The following DENND2D variants were observed in gnomAD, a reference collection of about 807,000 sequenced individuals.
DENND2D encodes the protein DENN domain-containing protein 2D.
A neutral mutation model predicts 59.8 loss-of-function variants in DENND2D; 37 were observed. The observed-to-expected ratio is 0.62, with a 90% confidence interval of 0.48 to 0.81. The LOEUF is 0.81. Among genes scored for constraint, DENND2D ranks in the 40% least tolerant of loss-of-function variants. The probability of loss-of-function intolerance (pLI) is 0.00; values close to 1 mark genes in which losing one functional copy is unlikely to be tolerated. For missense variants in DENND2D, 525 were observed against 579.7 expected, an observed-to-expected ratio of 0.91 and a Z score of 0.97; for synonymous variants, 219 against 211.3, an observed-to-expected ratio of 1.04 and a Z score of -0.31.
In DENND2D at chr1:111,192,426, T is replaced by C. The variant is rs537428892; in HGVS notation, c.795-109A>G. 518 of 1,217,050 alleles carry C rather than the reference T, an allele frequency of 4.3e-4. 7 individuals are homozygous for C. The South Asian group carries it at 0.013, about 31-fold the overall frequency. The allele number at this position is 1,217,050 out of a possible 1,614,324, so 75.4% of individuals were successfully genotyped here. On this transcript the variant is annotated intron_variant, in intron 7 of 11. Transcript: ENST00000357640. ...GCTAGAGCAGTGCTGCCCATGCCCA[T>C]GGGCAGAAAGGCAAGTCTGGGGGCC...
chr1:111,194,205 C>A (rs140052783), intron 7 of DENND2D, among the ~76,000 whole-genome samples: 2 of 152,354 alleles, frequency 1.3e-5, no homozygotes, highest in Non-Finnish European at 2.9e-5. Context: ...CCAGTTGACA[C>A]ACAATAAATG....
chr1:111,187,527 T>A lies in DENND2D; in HGVS notation c.*78A>T. The A allele has an allele frequency of 8.0e-7, 1 of 1,253,684 alleles. No homozygotes were observed. Among genetic ancestry groups the A allele is most frequent in the South Asian group, 1.2e-5 (1 of 81,466 alleles). The allele number at this position is 1,253,684 out of a possible 1,614,324, so 77.7% of individuals were successfully genotyped here. ...TATGGATTTTGGGAGCTGACAGTTTTGCTGATCCTGCCACACTGGCAGGGG... is the reference window on the plus strand; with the variant it reads ...TATGGATTTTGGGAGCTGACAGTTTAGCTGATCCTGCCACACTGGCAGGGG... On this transcript the variant is annotated 3_prime_UTR_variant, in exon 12 of 12. Coordinates refer to ENST00000357640, the MANE Select transcript of DENND2D (RefSeq NM_024901.5).
upstream of DENND2D, among the ~76,000 whole-genome samples, chr1:111,202,099 G>A (rs1557968120): frequency 6.6e-6 from 1 of 152,176 alleles, no homozygotes. Flanking sequence ...GGATGCATTT[G>A]ACATCAAATA....
chr1:111,194,925 C>T (rs1230793966), intron 6 of DENND2D, among the ~76,000 whole-genome samples, 199 bp from the exon 7 acceptor site: 2 of 152,090 alleles, frequency 1.3e-5, no homozygotes, highest in African/African-American at 2.4e-5. Context: ...TGCACCCTCC[C>T]TCACTCGCCT....
intron 10 of DENND2D, 113 bp from the exon 11 acceptor site, chr1:111,188,483 G>T (rs1208107671): frequency 1.4e-6 from 2 of 1,466,616 alleles, no homozygotes; most frequent in African/African-American, 1.4e-5. Flanking sequence ...AAGCCATAGG[G>T]TAGGGTTCAT....
intron 5 of DENND2D, chr1:111,196,796 G>C (rs573438344): frequency 1.4e-5 from 3 of 217,196 alleles, no homozygotes; most frequent in East Asian, 1.9e-4. Flanking sequence ...CTTTTATAAA[G>C]AGTCTTCTCA....
chr1:111,204,121 T>A, upstream of DENND2D: 55 of 110,640 alleles, frequency 5.0e-4, no homozygotes, highest in East Asian at 1.3e-3. Context: ...CCTCTTCCCC[T>A]CTCCGCGCGC....
Position 111,197,191 on chromosome 1 carries a change from G to A in DENND2D, c.489C>T (p.Phe163=), listed in dbSNP as rs751586028. 3.3e-5 allele frequency: 54 copies of A among 1,613,436 alleles called. No homozygotes were observed. The highest frequency in any genetic ancestry group is 2.8e-4 in the Admixed American group (17 of 59,954). ...VYCIISCIGC[F]GLFSKILDEV... ...CTATCCCTACCTTGGAGAACAAGCC[G>A]AAGCAGCCGATGCAGCTGATGATGC... Residue 163 remains phenylalanine (F), a synonymous_variant, in exon 5 of 12, where the codon TTC becomes TTT. Coordinates refer to ENST00000357640, the MANE Select transcript of DENND2D (RefSeq NM_024901.5).
At chr1:111,201,680 G>T (rs1658813688), upstream of DENND2D, among the ~76,000 whole-genome samples, 3 of 152,322 alleles carry the variant, frequency 2.0e-5, no homozygotes, top group South Asian at 6.2e-4. Flanking sequence ...GGGGCAAAAG[G>T]GTTTGACGCC....
rs2101440635 is a variant in DENND2D at position 111,188,375 on chromosome 1, A to C, written c.1100-5T>G. Reference sequence around the variant, plus strand: ...GCTCGTTGATTTGTTCTGCAGCTGCAGGAGATATAAAGGCCATCTCAGAGG... The same window carrying C: ...GCTCGTTGATTTGTTCTGCAGCTGCCGGAGATATAAAGGCCATCTCAGAGG... On this transcript the variant is annotated splice_polypyrimidine_tract_variant and splice_region_variant and intron_variant, in intron 10 of 11. Coordinates refer to ENST00000357640, the MANE Select transcript of DENND2D (RefSeq NM_024901.5). 6.2e-7 allele frequency: 1 copy of C among 1,612,896 alleles called. No individual in the cohort carries two copies. Among genetic ancestry groups the C allele is most frequent in the East Asian group, 2.2e-5 (1 of 44,880 alleles).
intron 1 of DENND2D, chr1:111,200,027 C>G: frequency 1.6e-6 from 1 of 618,678 alleles, no homozygotes; most frequent in Non-Finnish European, 2.7e-6. Context: ...AAAGAAACCA[C>G]TGACACAGAA....
In DENND2D at chr1:111,186,741, T is replaced by C. The variant is rs1657273217; in HGVS notation, c.*864A>G. ...CTGTGCTGCTCAAAATAAAGATCAG[T>C]TGGAGGTAGGATGTCCAAGACTGAA... is the stretch of plus-strand genomic sequence containing the variant. On this transcript the variant is annotated 3_prime_UTR_variant, in exon 12 of 12. Transcript: ENST00000357640. Among the ~76,000 whole-genome samples, 1 of 152,130 alleles carries C rather than the reference T, an allele frequency of 6.6e-6. No individual in the cohort carries two copies.
chr1:111,193,348 G>A (rs148056670), intron 7 of DENND2D, among the ~76,000 whole-genome samples: 199 of 152,272 alleles, frequency 1.3e-3, no homozygotes, highest in African/African-American at 4.4e-3. Flanking sequence ...GAAAGTAAAC[G>A]TCTGAGAGGT....
At chr1:111,195,032 G>A (rs1027185463) in intron 6 of DENND2D, 7 of 368,984 alleles carry the variant, frequency 1.9e-5, no homozygotes, top group Non-Finnish European at 3.5e-5. Flanking sequence ...CACAGTGAGG[G>A]CCCTCCTCCT....
At chr1:111,199,529 G>T in intron 2 of DENND2D, 94 bp downstream of exon 2, 1 of 1,434,026 alleles carries the variant, frequency 7.0e-7, no homozygotes, top group Non-Finnish European at 9.4e-7. Context: ...CTCAAGCCCC[G>T]GTAGGGTAGG....
chr1:111,198,987 A>G (rs1658531375), intron 2 of DENND2D, among the ~76,000 whole-genome samples: 1 of 149,002 alleles, frequency 6.7e-6, no homozygotes, highest in African/African-American at 2.5e-5. Context: ...CTTGAGTTCG[A>G]CCTCAGTATC....
chr1:111,203,967 C>T (rs548180040), upstream of DENND2D, among the ~76,000 whole-genome samples: 5 of 152,252 alleles, frequency 3.3e-5, no homozygotes, highest in South Asian at 8.3e-4. Flanking sequence ...ACAACCGGGG[C>T]GCTTTCAGGC....
At position 111,187,555 on chromosome 1, in the gene DENND2D, G is replaced by A. The variant is rs1265858452; in HGVS notation, c.*50C>T. The stretch of plus-strand genomic sequence containing the variant: ...TGATCCTGCCACACTGGCAGGGGCT[G>A]AAGTCCAGAAATGGTGTGTAGCTCT... On this transcript the variant is annotated 3_prime_UTR_variant, in exon 12 of 12. Coordinates refer to ENST00000357640, the MANE Select transcript of DENND2D (RefSeq NM_024901.5). The A allele has an allele frequency of 1.1e-5, 17 of 1,526,292 alleles. No homozygotes were observed. Among genetic ancestry groups the A allele is most frequent in the Non-Finnish European group, 1.5e-5 (17 of 1,101,436 alleles). The allele number at this position is 1,526,292 out of a possible 1,614,324, so 94.5% of individuals were successfully genotyped here.
At chr1:111,200,073 CAA>C in intron 1 of DENND2D, 6 of 552,118 alleles carry the variant, frequency 1.1e-5, no homozygotes, top group Non-Finnish European at 1.9e-5. Context: ...ACATGGAGGC[CAA>C]GGCCCCAGGG....
Sources: gnomAD v4.1 joint callset for allele counts (sites outside exome capture counted in the v4.1 genomes callset) on GRCh38, gnomAD v4.1.1 for gene constraint, MANE v1.5 for transcripts, NCBI Gene and HGNC (gene_info 2026-07-23, HGNC 2026-07-21) for gene names.